Variants in ANO1 observed in about 807,000 individuals in gnomAD.
ANO1 encodes anoctamin-1.
Under a neutral mutation model 124.0 loss-of-function variants are expected in ANO1, and 59 were observed. The observed-to-expected ratio is 0.48, with a 90% CI of 0.39 to 0.59. The LOEUF (loss-of-function observed/expected upper bound fraction) is 0.59. Among genes scored for constraint, ANO1 ranks in the 20% least tolerant of loss-of-function variants. The pLI is 0.00. For synonymous variants in ANO1, 529 were observed against 532.0 expected (o/e 0.99, Z 0.08); for missense variants, 1,059 against 1,328.0 (o/e 0.80, Z 3.15).
chr11:70,035,061 C>G (rs1422771808), intron 1 of ANO1, among the ~76,000 whole-genome samples: 10 of 152,084 alleles, frequency 6.6e-5, no homozygotes, highest in Non-Finnish European at 1.5e-4. Context: ...ACTCCAAGGA[C>G]CAGGGGTGCA....
chr11:70,104,913 G>T (rs531418468), intron 4 of ANO1, among the ~76,000 whole-genome samples: 2 of 152,090 alleles, frequency 1.3e-5, no homozygotes, highest in Non-Finnish European at 2.9e-5. Flanking sequence ...ATGTAGTAGG[G>T]GTGGAGCCAT....
At chr11:70,020,919 C>G (rs1198874591) in intron 1 of ANO1, 1 of 152,322 alleles carries the variant, frequency 6.6e-6, no homozygotes, top group Non-Finnish European at 1.5e-5. Flanking sequence ...CATTCAGCCT[C>G]TCATTCGTAG....
intron 1 of ANO1, among the ~76,000 whole-genome samples, chr11:70,017,596 G>A (rs1856725588): frequency 6.7e-6 from 1 of 150,006 alleles, no homozygotes; most frequent in South Asian, 2.1e-4. Flanking sequence ...TCTCACTGCA[G>A]CCTTGACTCC....
intron 7 of ANO1, among the ~76,000 whole-genome samples, chr11:70,113,434 G>C (rs1256905618): frequency 6.6e-6 from 1 of 152,098 alleles, no homozygotes; most frequent in East Asian, 1.9e-4. Context: ...CAGTGGCTCC[G>C]GGTTCCTGCC....
At chr11:70,024,661 G>A (rs782313890) in intron 1 of ANO1, among the ~76,000 whole-genome samples, 1 of 152,182 alleles carries the variant, frequency 6.6e-6, no homozygotes, top group African/African-American at 2.4e-5. Flanking sequence ...CAGAGACCTT[G>A]ATTTTGACTC....
chr11:70,043,374 A>G (rs945939067), intron 1 of ANO1, among the ~76,000 whole-genome samples: 1 of 152,212 alleles, frequency 6.6e-6, no homozygotes. Context: ...TACCTGTGCT[A>G]AAAGTCCAAG....
intron 1 of ANO1, among the ~76,000 whole-genome samples, chr11:69,994,071 C>A (rs1414021292): frequency 5.4e-5 from 8 of 147,442 alleles, no homozygotes; most frequent in African/African-American, 2.0e-4. Context: ...TTGTTTTTGC[C>A]AATTTGATTT....
chr11:69,972,065 AT>A, the ANO1 span, among the ~76,000 whole-genome samples: 8,364 of 151,576 alleles, frequency 0.055, 265 homozygotes, highest in East Asian at 0.1. Flanking sequence ...TACTAAAAAA[AT>A]AAATAAATAA....
At chr11:70,090,545 A>G (rs2135251254) in intron 2 of ANO1, among the ~76,000 whole-genome samples, 1 of 152,348 alleles carries the variant, frequency 6.6e-6, no homozygotes, top group South Asian at 2.1e-4. Context: ...TGCTTAATTC[A>G]GAGTCTGGCC....
At chr11:70,156,387 C>T (rs918388070) in intron 15 of ANO1, among the ~76,000 whole-genome samples, 1 of 152,164 alleles carries the variant, frequency 6.6e-6, no homozygotes, top group Non-Finnish European at 1.5e-5. Context: ...TGAAACATCC[C>T]GGATTAGTGA....
intron 1 of ANO1, among the ~76,000 whole-genome samples, chr11:70,087,495 A>T (rs373385544): frequency 1.2e-4 from 18 of 152,272 alleles, no homozygotes; most frequent in African/African-American, 4.1e-4. Flanking sequence ...GGGGGACCAT[A>T]TGTGGCTTGG....
intron 1 of ANO1, among the ~76,000 whole-genome samples, chr11:69,994,869 G>A (rs191506482): frequency 4.0e-4 from 61 of 152,194 alleles, no homozygotes; most frequent in African/African-American, 1.3e-3. Flanking sequence ...GGCATGAGAC[G>A]GGCTCACTTC....
intron 2 of ANO1, among the ~76,000 whole-genome samples, chr11:70,089,304 C>T (rs527243675): frequency 6.6e-6 from 1 of 152,318 alleles, no homozygotes; most frequent in East Asian, 1.9e-4. Flanking sequence ...GAAATTTCAT[C>T]CACAGGCACC....
intron 8 of ANO1, among the ~76,000 whole-genome samples, chr11:70,121,426 CTGTCAG>C (rs2046263199): frequency 6.7e-6 from 1 of 149,212 alleles, no homozygotes. Flanking sequence ...CCCCACCTCT[CTGTCAG>C]TCTCTCTGTC....
At chr11:70,008,615 G>A (rs1555000499) in intron 1 of ANO1, among the ~76,000 whole-genome samples, 1 of 150,202 alleles carries the variant, frequency 6.7e-6, no homozygotes, top group African/African-American at 2.5e-5. Context: ...CTTTCTTTCT[G>A]CCAGTGCCAA....
At chr11:70,114,933 G>A (rs1313744554) in intron 7 of ANO1, among the ~76,000 whole-genome samples, 1 of 152,146 alleles carries the variant, frequency 6.6e-6, no homozygotes, top group East Asian at 1.9e-4. Context: ...GTACTGAAAG[G>A]ACTTTGATAT....
At chr11:70,156,291 C>A (rs1376095785) in intron 15 of ANO1, among the ~76,000 whole-genome samples, 1 of 152,108 alleles carries the variant, frequency 6.6e-6, no homozygotes, top group African/African-American at 2.4e-5. Flanking sequence ...GCCACCCACC[C>A]CAGAACGAGT....
chr11:70,042,256 G>A (rs1555005139), intron 1 of ANO1, among the ~76,000 whole-genome samples: 1 of 152,132 alleles, frequency 6.6e-6, no homozygotes, highest in Non-Finnish European at 1.5e-5. Flanking sequence ...AGGCAGCTCA[G>A]GGCTGATTCC....
At chr11:70,108,269 G>A in intron 5 of ANO1, 84 bp from the exon 6 acceptor site, 1 of 1,386,010 alleles carries the variant, frequency 7.2e-7, no homozygotes, top group South Asian at 1.2e-5. Flanking sequence ...GTGTGACCAG[G>A]TCCTCTCCAG....
Sources: allele counts gnomAD v4.1 joint callset (sites outside exome capture counted in the v4.1 genomes callset), GRCh38; gene constraint gnomAD v4.1.1; transcripts MANE v1.5; gene names NCBI Gene and HGNC (gene_info 2026-07-23, HGNC 2026-07-21).